The following ANK1 variants were observed in gnomAD, a reference collection of about 807,000 sequenced individuals.
The protein encoded by ANK1 is ankyrin 1, also known as ankyrin-1.
In ANK1, 51 loss-of-function variants were observed where a neutral mutation model predicts 210.4. That is an observed-to-expected ratio of 0.24 (90% confidence interval 0.19 to 0.31). The LOEUF (loss-of-function observed/expected upper bound fraction) is 0.31, where lower values mean the gene tolerates loss of function less well. ANK1 is among the 10% of genes least tolerant of loss of function. The probability of loss-of-function intolerance (pLI) is 1.00; values close to 1 mark genes in which losing one functional copy is unlikely to be tolerated. For synonymous variants in ANK1, 967 were observed against 1,025.9 expected, an observed-to-expected ratio of 0.94 and a Z score of 1.10; for missense variants, 2,051 against 2,504.4, an observed-to-expected ratio of 0.82 and a Z score of 3.86.
At chr8:41,792,721 A>G (rs1847989966) in intron 1 of ANK1, among the ~76,000 whole-genome samples, 1 of 152,242 alleles carries the variant, frequency 6.6e-6, no homozygotes. Flanking sequence ...GAGAGTTCAG[A>G]GGAAGGAGAA....
At chr8:41,727,497 G>T in intron 4 of ANK1, 149 bp from the exon 5 acceptor site, 1 of 719,386 alleles carries the variant, frequency 1.4e-6, no homozygotes, top group Non-Finnish European at 2.5e-6. Context: ...TTGTCATGGT[G>T]ACTGGCGTCC....
At chr8:41,874,743 A>T (rs1816242177) in intron 1 of ANK1, among the ~76,000 whole-genome samples, 1 of 152,190 alleles carries the variant, frequency 6.6e-6, no homozygotes, top group Non-Finnish European at 1.5e-5. Flanking sequence ...ATGACAACTG[A>T]GAATTGTGCT....
At chr8:41,784,336 C>T (rs182450912) in intron 1 of ANK1, among the ~76,000 whole-genome samples, 1 of 152,308 alleles carries the variant, frequency 6.6e-6, no homozygotes, top group East Asian at 1.9e-4. Context: ...AATGCAATAG[C>T]TCTCAGTATT....
intron 15 of ANK1, among the ~76,000 whole-genome samples, 177 bp downstream of exon 15, chr8:41,714,799 G>T (rs966240677): frequency 2.0e-5 from 3 of 152,130 alleles, no homozygotes; most frequent in African/African-American, 7.2e-5. Flanking sequence ...AGTCAAAATT[G>T]TAGTGAGTTG....
At chr8:41,825,834 C>G (rs1805277697) in intron 1 of ANK1, among the ~76,000 whole-genome samples, 2 of 152,202 alleles carry the variant, frequency 1.3e-5, no homozygotes, top group Admixed American at 6.5e-5. Flanking sequence ...GGGAGTTCCC[C>G]TGCACATGTT....
intron 2 of ANK1, among the ~76,000 whole-genome samples, chr8:41,751,949 C>CCTT (rs1398999260): frequency 1.1e-4 from 17 of 152,260 alleles, no homozygotes; most frequent in Admixed American, 3.9e-4. Flanking sequence ...TACCACCTTC[C>CCTT]CTTCCATCAC....
At chr8:41,765,787 T>G (rs1368381039) in intron 1 of ANK1, among the ~76,000 whole-genome samples, 1 of 152,108 alleles carries the variant, frequency 6.6e-6, no homozygotes, top group South Asian at 2.1e-4. Flanking sequence ...GATACTAATA[T>G]AGCAATAGAT....
chr8:41,751,276 A>G (rs957504305), intron 2 of ANK1, among the ~76,000 whole-genome samples: 5 of 152,216 alleles, frequency 3.3e-5, no homozygotes, highest in African/African-American at 1.2e-4. Context: ...ATGCCAGAGT[A>G]TCTACCATAG....
intron 39 of ANK1, chr8:41,665,085 G>T: frequency 1.3e-6 from 2 of 1,591,172 alleles, no homozygotes; most frequent in Middle Eastern, 1.7e-4. Flanking sequence ...CGGGGGGCCT[G>T]CCTCTCATTC....
chr8:41,882,390 T>C (rs1223714874), intron 1 of ANK1, among the ~76,000 whole-genome samples: 1 of 152,064 alleles, frequency 6.6e-6, no homozygotes, highest in Non-Finnish European at 1.5e-5. Flanking sequence ...ACCATCACCT[T>C]CCTGGGGGAG....
intron 2 of ANK1, among the ~76,000 whole-genome samples, chr8:41,738,526 C>T (rs1421456338): frequency 6.6e-6 from 1 of 152,198 alleles, no homozygotes; most frequent in Non-Finnish European, 1.5e-5. Flanking sequence ...CTTCTGATAT[C>T]CAAAAGAGCA....
intron 37 of ANK1, among the ~76,000 whole-genome samples, chr8:41,679,581 G>C (rs1362700597): frequency 8.1e-5 from 1 of 12,390 alleles, no homozygotes; most frequent in African/African-American, 2.7e-4. Flanking sequence ...TTTTTTTTTT[G>C]AGACAGAGTC....
At chr8:41,802,965 GA>G in intron 1 of ANK1, among the ~76,000 whole-genome samples, 1 of 113,662 alleles carries the variant, frequency 8.8e-6, no homozygotes, top group Admixed American at 9.6e-5. Context: ...GGGGGAGAGA[GA>G]GAGAGATGAA....
At chr8:41,884,616 C>T (rs1818135301) in intron 1 of ANK1, among the ~76,000 whole-genome samples, 1 of 152,118 alleles carries the variant, frequency 6.6e-6, no homozygotes, top group Non-Finnish European at 1.5e-5. Context: ...AGGAGGATCA[C>T]TTGAGCCCAG....
At chr8:41,740,817 GCAAACCAGGCC>G (rs1173203945) in intron 2 of ANK1, among the ~76,000 whole-genome samples, 8 of 152,308 alleles carry the variant, frequency 5.3e-5, no homozygotes, top group Non-Finnish European at 1.2e-4. Flanking sequence ...GGATACAGGC[GCAAACCAGGCC>G]CAACTGGCAG....
Position 41,689,296 on chromosome 8 carries a change from AT to A in ANK1, c.4105-708del, listed in dbSNP as rs35806325. On this transcript the variant is annotated intron_variant, in intron 33 of 42. Coordinates refer to ENST00000289734, the MANE Select transcript of ANK1 (RefSeq NM_000037.4). ...TGCCACCATGCCCAGCTAATTTTTC[AT>A]TTTTTTTTTTTTGTACAGACAGGAT... Among the ~76,000 whole-genome samples the A allele has an allele frequency of 6.6e-4, 95 of 144,342 alleles. 1 individual carries two copies. The highest frequency in any genetic ancestry group is 3.5e-3 in the Middle Eastern group (1 of 282). 94.7% of individuals were successfully genotyped at this position (144,342 alleles called of 152,430 possible).
chr8:41,831,556 A>G (rs1806613135), intron 1 of ANK1, among the ~76,000 whole-genome samples: 1 of 151,684 alleles, frequency 6.6e-6, no homozygotes, highest in Non-Finnish European at 1.5e-5. Flanking sequence ...ACTGAGGCAG[A>G]AGGATTGCTT....
intron 1 of ANK1, among the ~76,000 whole-genome samples, chr8:41,826,127 C>T (rs1256925619): frequency 6.6e-6 from 1 of 152,188 alleles, no homozygotes; most frequent in Non-Finnish European, 1.5e-5. Context: ...ATGCCCCTAG[C>T]ATCCAATCCT....
chr8:41,845,963 T>G (rs1002788680), intron 1 of ANK1, among the ~76,000 whole-genome samples: 1 of 152,192 alleles, frequency 6.6e-6, no homozygotes, highest in Non-Finnish European at 1.5e-5. Context: ...TCCATATTCA[T>G]TTCTACCATT....
Sources: allele counts gnomAD v4.1 joint callset (sites outside exome capture counted in the v4.1 genomes callset), GRCh38; gene constraint gnomAD v4.1.1; transcripts MANE v1.5; gene names NCBI Gene and HGNC (gene_info 2026-07-23, HGNC 2026-07-21).